The following KAZN variants were observed in gnomAD, a reference collection of about 807,000 sequenced individuals.
KAZN encodes the protein kazrin.
Under a neutral mutation model 87.4 loss-of-function variants are expected in KAZN, and 40 were observed. The ratio of observed to expected loss-of-function variants is 0.46; its 90% CI spans 0.36 to 0.60. KAZN has a LOEUF of 0.60. Ranked by LOEUF, KAZN falls within the 20% of genes least tolerant of loss-of-function variation. KAZN has a pLI of 0.00. For synonymous variants in KAZN, 466 were observed against 458.3 expected (o/e 1.02, Z -0.22); for missense variants, 898 against 1,073.9 (o/e 0.84, Z 2.29).
At chr1:14,442,798 G>A (rs1173778979) in intron 2 of KAZN, among the ~76,000 whole-genome samples, 4 of 152,178 alleles carry the variant, frequency 2.6e-5, no homozygotes, top group African/African-American at 7.2e-5. Flanking sequence ...ACTGAGCACC[G>A]AAAGCACTTC....
chr1:14,275,282 C>T (rs1197294730), intron 2 of KAZN, among the ~76,000 whole-genome samples: 1 of 152,180 alleles, frequency 6.6e-6, no homozygotes, highest in Non-Finnish European at 1.5e-5. Flanking sequence ...GGATCAGCAA[C>T]ATCAGTATCA....
At chr1:15,022,544 C>T (rs1670786230) in intron 2 of KAZN, among the ~76,000 whole-genome samples, 2 of 152,128 alleles carry the variant, frequency 1.3e-5, no homozygotes. Context: ...ATGGATGGGC[C>T]CAAGTCTCTC....
At chr1:14,279,775 G>A (rs865871045) in intron 2 of KAZN, among the ~76,000 whole-genome samples, 8 of 152,316 alleles carry the variant, frequency 5.3e-5, no homozygotes, top group Middle Eastern at 3.4e-3. Flanking sequence ...GAAAAAGTGA[G>A]AGAGAAGGTT....
Position 14,445,854 on chromosome 1 carries a change from G to A in KAZN, c.250-153129G>A, listed in dbSNP as rs139733660. ...TCTAGCGCAGGCTCCCAGGGTTCCC[G>A]CCAGCAGGGAGAAAACCCTTACGCT... On this transcript the variant is annotated intron_variant, in intron 2 of 16. Transcript: ENST00000636203. Among the ~76,000 whole-genome samples, 51 of 152,160 alleles carry A rather than the reference G, an allele frequency of 3.4e-4. No individual in the cohort carries two copies. The East Asian group carries it at 9.5e-3, about 28-fold the overall frequency.
chr1:13,954,131 G>A (rs1052207109), intron 1 of KAZN, among the ~76,000 whole-genome samples: 19 of 152,254 alleles, frequency 1.2e-4, no homozygotes, highest in Non-Finnish European at 2.4e-4. Context: ...CACCACCCAG[G>A]AGGCGGAGGT....
intron 1 of KAZN, among the ~76,000 whole-genome samples, chr1:14,727,014 T>A (rs1317717742): frequency 6.6e-6 from 1 of 152,198 alleles, no homozygotes; most frequent in Non-Finnish European, 1.5e-5. Context: ...CTTGAGCTAC[T>A]GCTTGCACTT....
intron 1 of KAZN, among the ~76,000 whole-genome samples, chr1:14,017,675 C>T (rs1640634362): frequency 6.6e-6 from 1 of 152,204 alleles, no homozygotes; most frequent in Non-Finnish European, 1.5e-5. Flanking sequence ...GAGTAAAATC[C>T]TTTGCTGTGT....
chr1:14,293,056 C>G (rs987620232), intron 2 of KAZN, among the ~76,000 whole-genome samples: 6 of 152,176 alleles, frequency 3.9e-5, no homozygotes, highest in African/African-American at 1.4e-4. Flanking sequence ...GAGCCAGGCC[C>G]TGTGCAAACT....
At chr1:14,446,887 G>A (rs1667011739) in intron 2 of KAZN, among the ~76,000 whole-genome samples, 2 of 151,964 alleles carry the variant, frequency 1.3e-5, no homozygotes, top group Non-Finnish European at 2.9e-5. Context: ...ATGGATTCCT[G>A]AATGGAAGCA....
intron 1 of KAZN, among the ~76,000 whole-genome samples, chr1:14,176,586 C>T (rs890128255): frequency 6.6e-6 from 1 of 152,100 alleles, no homozygotes; most frequent in Non-Finnish European, 1.5e-5. Context: ...GTCCATCCTT[C>T]TCTGTTTTAG....
intron 1 of KAZN, among the ~76,000 whole-genome samples, chr1:14,865,386 A>G (rs1651334530): frequency 6.6e-6 from 1 of 152,196 alleles, no homozygotes; most frequent in South Asian, 2.1e-4. Context: ...ACATCTGCTT[A>G]GCAGAGATGA....
chr1:14,920,939 A>C (rs1287206593), intron 1 of KAZN, among the ~76,000 whole-genome samples: 1 of 152,162 alleles, frequency 6.6e-6, no homozygotes, highest in African/African-American at 2.4e-5. Flanking sequence ...ATGTACCTCA[A>C]GGTGTTTTTA....
At chr1:14,580,509 A>T (rs142232237) in intron 2 of KAZN, among the ~76,000 whole-genome samples, 2 of 150,038 alleles carry the variant, frequency 1.3e-5, no homozygotes, top group African/African-American at 5.0e-5. Flanking sequence ...TAAATAAATA[A>T]ATAAATAAAG....
intron 2 of KAZN, among the ~76,000 whole-genome samples, chr1:14,421,813 A>G (rs1665444974): frequency 6.6e-6 from 1 of 152,100 alleles, no homozygotes; most frequent in African/African-American, 2.4e-5. Flanking sequence ...AAACCCTGAC[A>G]TAGGCCTTAG....
chr1:14,218,772 C>T (rs1353447949), intron 2 of KAZN, among the ~76,000 whole-genome samples: 1 of 151,716 alleles, frequency 6.6e-6, no homozygotes, highest in Non-Finnish European at 1.5e-5. Flanking sequence ...GAGTTTCATC[C>T]CTGATAACCA....
rs1662238946 is a variant in KAZN, at chr1:14,949,579, C to T, written c.227-11105C>T. ...TCGAGATTCACATTCCTCCTGGTGC[C>T]AGAAGCACCTGCCAAGTGATTTTTG... On this transcript the variant is annotated intron_variant, in intron 1 of 14. Transcript: ENST00000376030. This position sits in a 1 kb window ranked among gnomAD's most constrained non-coding sequence, Gnocchi z 4.3. 6.6e-6 allele frequency among the ~76,000 whole-genome samples: 1 copy of T among 152,214 alleles called. No homozygotes were observed. Among genetic ancestry groups the T allele is most frequent in the Non-Finnish European group, 1.5e-5 (1 of 68,048 alleles).
chr1:14,744,339 C>A (rs1644201978), intron 1 of KAZN, among the ~76,000 whole-genome samples: 1 of 152,152 alleles, frequency 6.6e-6, no homozygotes, highest in Non-Finnish European at 1.5e-5. Flanking sequence ...GAATCAAGGT[C>A]CAGTGAGGTT....
intron 1 of KAZN, among the ~76,000 whole-genome samples, chr1:14,154,996 T>TCCTTCCTTCCTTCCTTCCTTCC (rs1553136611): frequency 1.5e-4 from 22 of 149,958 alleles, no homozygotes; most frequent in African/African-American, 4.4e-4. Flanking sequence ...CTTCCTTCCT[T>TCCTTCCTTCCTTCCTTCCTTCC]TTTCTGATGT....
intron 2 of KAZN, among the ~76,000 whole-genome samples, chr1:15,011,835 C>G (rs895075441): frequency 1.3e-5 from 2 of 152,126 alleles, no homozygotes; most frequent in Non-Finnish European, 2.9e-5. Context: ...CGGGGCACCA[C>G]TTAGCATCTT....
Sources: allele counts gnomAD v4.1 joint callset (sites outside exome capture counted in the v4.1 genomes callset), GRCh38; gene constraint gnomAD v4.1.1; non-coding constraint Gnocchi (gnomAD v3.1); transcripts MANE v1.5; gene names NCBI Gene and HGNC (gene_info 2026-07-23, HGNC 2026-07-21).